The following GALNTL6 variants were observed in gnomAD, a reference collection of about 807,000 sequenced individuals.
GALNTL6 encodes the protein polypeptide N-acetylgalactosaminyltransferase like 6, also known as polypeptide N-acetylgalactosaminyltransferase-like 6.
GALNTL6 carries 46 observed loss-of-function variants against 73.7 expected under a neutral mutation model. That is an observed-to-expected ratio of 0.62 (90% CI 0.49 to 0.80). The LOEUF is 0.80. GALNTL6 is among the 30% of genes least tolerant of loss of function. GALNTL6 has a pLI of 0.00. For missense variants in GALNTL6, 604 were observed against 755.0 expected (o/e 0.80, Z 2.34); for synonymous variants, 259 against 263.7 (o/e 0.98, Z 0.17).
chr4:172,589,487 A>C (rs1737551845), intron 5 of GALNTL6, among the ~76,000 whole-genome samples: 1 of 152,326 alleles, frequency 6.6e-6, no homozygotes, highest in Non-Finnish European at 1.5e-5. Context: ...TGTAAGAAGA[A>C]GGCAAGCATT....
chr4:172,870,052 G>GCA (rs763611389), intron 7 of GALNTL6, among the ~76,000 whole-genome samples: 1 of 143,056 alleles, frequency 7.0e-6, no homozygotes, highest in Admixed American at 7.1e-5. Flanking sequence ...GACCTTTACT[G>GCA]TCATCATCAT....
chr4:173,013,565 A>ACTCCCCAC (rs1380190823), intron 11 of GALNTL6, among the ~76,000 whole-genome samples: 9 of 149,508 alleles, frequency 6.0e-5, no homozygotes, highest in Non-Finnish European at 1.2e-4. Context: ...ACGTCCCCCA[A>ACTCCCCAC]CTCCCCACCT....
intron 5 of GALNTL6, among the ~76,000 whole-genome samples, chr4:172,612,722 G>A (rs1334184924): frequency 2.0e-5 from 3 of 151,500 alleles, no homozygotes; most frequent in Non-Finnish European, 4.4e-5. Flanking sequence ...TTCTTTTTTT[G>A]TTTTCCCCTT....
intron 5 of GALNTL6, among the ~76,000 whole-genome samples, chr4:172,546,880 C>T (rs921955134): frequency 5.3e-5 from 6 of 114,194 alleles, no homozygotes; most frequent in Admixed American, 2.8e-4. Context: ...AATTTTTAAG[C>T]GTACAGTTCA....
At chr4:172,471,406 A>G (rs908720874) in intron 5 of GALNTL6, among the ~76,000 whole-genome samples, 2 of 152,146 alleles carry the variant, frequency 1.3e-5, no homozygotes, top group African/African-American at 2.4e-5. Context: ...TTTCCATTCA[A>G]ACTTAATTCC....
chr4:172,160,876 TTATA>T (rs917847917), intron 2 of GALNTL6, among the ~76,000 whole-genome samples: 15 of 146,912 alleles, frequency 1.0e-4, no homozygotes, highest in Admixed American at 9.6e-4. Flanking sequence ...GTATTGGAGA[TTATA>T]TATATATATA....
intron 3 of GALNTL6, among the ~76,000 whole-genome samples, chr4:172,276,037 A>G: frequency 6.6e-6 from 1 of 152,168 alleles, no homozygotes; most frequent in South Asian, 2.1e-4. Context: ...CAATAGTTAT[A>G]ATATTTTTAA....
At chr4:172,856,968 G>A (rs1460457022) in intron 7 of GALNTL6, among the ~76,000 whole-genome samples, 1 of 152,154 alleles carries the variant, frequency 6.6e-6, no homozygotes, top group East Asian at 1.9e-4. Context: ...CATTTTAGTA[G>A]AAACCAAATT....
At chr4:172,307,575 G>A (rs1259513154) in intron 3 of GALNTL6, among the ~76,000 whole-genome samples, 4 of 152,116 alleles carry the variant, frequency 2.6e-5, no homozygotes, top group Non-Finnish European at 5.9e-5. Flanking sequence ...TCTATATGTG[G>A]CTTGCCAATT....
At chr4:172,183,224 C>T (rs1735310051) in intron 2 of GALNTL6, among the ~76,000 whole-genome samples, 1 of 152,184 alleles carries the variant, frequency 6.6e-6, no homozygotes, top group East Asian at 1.9e-4. Context: ...TTTTACCAAA[C>T]TTTTATTCCA....
chr4:172,753,951 G>C (rs1274339698), intron 5 of GALNTL6, among the ~76,000 whole-genome samples: 1 of 152,174 alleles, frequency 6.6e-6, no homozygotes, highest in Non-Finnish European at 1.5e-5. Flanking sequence ...ATAGGTATAG[G>C]AGAGAGGAGG....
intron 2 of GALNTL6, among the ~76,000 whole-genome samples, chr4:171,863,860 C>G (rs950756013): frequency 9.9e-5 from 15 of 152,074 alleles, no homozygotes; most frequent in African/African-American, 3.6e-4. Flanking sequence ...CAGGTTCAAG[C>G]GATTCTCCTG....
At chr4:172,069,984 A>T (rs1731502907) in intron 2 of GALNTL6, among the ~76,000 whole-genome samples, 1 of 108,376 alleles carries the variant, frequency 9.2e-6, no homozygotes, top group Non-Finnish European at 2.0e-5. Context: ...TGAACAGAGC[A>T]TTGTATTCTC....
chr4:172,555,695 C>G (rs998580542), intron 5 of GALNTL6, among the ~76,000 whole-genome samples: 6 of 151,944 alleles, frequency 3.9e-5, no homozygotes, highest in African/African-American at 1.4e-4. Flanking sequence ...AAAAAAAATT[C>G]TGTGTTGCTG....
chr4:172,169,233 G>C (rs981166846), intron 2 of GALNTL6, among the ~76,000 whole-genome samples: 3 of 152,168 alleles, frequency 2.0e-5, no homozygotes, highest in African/African-American at 7.2e-5. Flanking sequence ...CCCAGTCTGA[G>C]AGCCCCAGTC....
intron 10 of GALNTL6, among the ~76,000 whole-genome samples, chr4:172,982,784 T>A (rs181599748): frequency 1.2e-4 from 18 of 151,942 alleles, no homozygotes; most frequent in Middle Eastern, 3.4e-3. Flanking sequence ...ACGAAAAAAA[T>A]TTTTTTTCCA....
intron 2 of GALNTL6, among the ~76,000 whole-genome samples, chr4:172,154,467 G>T (rs1433811339): frequency 6.6e-6 from 1 of 152,036 alleles, no homozygotes; most frequent in Non-Finnish European, 1.5e-5. Context: ...CCTGACCTCA[G>T]GTGATCCGTC....
At chr4:172,585,814 AAAAAAC>A (rs1201546423) in intron 5 of GALNTL6, among the ~76,000 whole-genome samples, 9 of 152,250 alleles carry the variant, frequency 5.9e-5, no homozygotes, top group Non-Finnish European at 1.2e-4. Flanking sequence ...ATTTACAAGA[AAAAAAC>A]AAAGAACCCC....
chr4:172,878,660 A>G (rs1040703973), intron 7 of GALNTL6, among the ~76,000 whole-genome samples: 2 of 151,910 alleles, frequency 1.3e-5, no homozygotes, highest in Non-Finnish European at 2.9e-5. Flanking sequence ...AAAAAGGACA[A>G]TAAATGAAAT....
Sources: gnomAD v4.1 joint callset for allele counts (sites outside exome capture counted in the v4.1 genomes callset) on GRCh38, gnomAD v4.1.1 for gene constraint, MANE v1.5 for transcripts, NCBI Gene and HGNC (gene_info 2026-07-23, HGNC 2026-07-21) for gene names.